The following EP300 variants were observed in gnomAD, a reference collection of about 807,000 sequenced individuals.
EP300 encodes EP300 lysine acetyltransferase, also known as histone acetyltransferase p300.
Under a neutral mutation model 264.0 loss-of-function variants are expected in EP300, and 31 were observed. The ratio of observed to expected loss-of-function variants is 0.12; its 90% CI spans 0.09 to 0.16. The LOEUF (loss-of-function observed/expected upper bound fraction) is 0.16, where lower values mean the gene tolerates loss of function less well. Among genes scored for constraint, EP300 ranks in the 10% least tolerant of loss-of-function variants. The pLI is 1.00. For synonymous variants in EP300, 1,340 were observed against 1,045.4 expected, an observed-to-expected ratio of 1.28 and a Z score of -5.44; for missense variants, 2,766 against 3,052.9, an observed-to-expected ratio of 0.91 and a Z score of 2.21.
chr22:41,093,731 G>C (rs1338255980), intron 1 of EP300, among the ~76,000 whole-genome samples: 4 of 152,070 alleles, frequency 2.6e-5, no homozygotes, highest in Non-Finnish European at 4.4e-5. Context: ...ACATCTCCCA[G>C]TTCTTTGGTG....
At chr22:41,148,713 C>G (rs1409709450) in intron 12 of EP300, 1 of 384,220 alleles carries the variant, frequency 2.6e-6, no homozygotes, top group East Asian at 5.7e-5. Flanking sequence ...ATTAACTCTC[C>G]TCACTTAACA....
At position 41,168,879 on chromosome 22, in the gene EP300, T is replaced by C; in HGVS notation, c.4172+12T>C. On this transcript the variant is annotated intron_variant, in intron 25 of 30. Coordinates refer to ENST00000263253, the MANE Select transcript of EP300 (RefSeq NM_001429.4). ...CCACCCAACCAGAGGTATGACTAGC[T>C]CACAGTGGCTAGCTCCGGATTTGTG... The C allele has an allele frequency of 6.2e-7, 1 of 1,614,120 alleles. No individual in the cohort carries two copies. Among genetic ancestry groups the C allele is most frequent in the Non-Finnish European group, 8.5e-7 (1 of 1,179,972 alleles).
chr22:41,176,056 CA>C, intron 29 of EP300, 190 bp from the exon 30 acceptor site: 1 of 656,700 alleles, frequency 1.5e-6, no homozygotes, highest in Non-Finnish European at 2.6e-6. Flanking sequence ...CTCGTCTCTA[CA>C]AAAAATGCAG....
rs534307733 is a variant in EP300, at chr22:41,105,010, A to G, written c.94+11912A>G. On this transcript the variant is annotated intron_variant, in intron 1 of 30. Coordinates refer to ENST00000263253, the MANE Select transcript of EP300 (RefSeq NM_001429.4). ...TAACCCCGTCTCTACTAAAAATACA[A>G]AAAAATTAACCCCGTCTCTACTAAA... Among the ~76,000 whole-genome samples the G allele has an allele frequency of 5.9e-5, 9 of 151,918 alleles. No individual in the cohort carries two copies. The East Asian group carries it at 1.8e-3, about 30-fold the overall frequency.
chr22:41,101,920 C>A (rs184135714), intron 1 of EP300, among the ~76,000 whole-genome samples: 1 of 152,210 alleles, frequency 6.6e-6, no homozygotes, highest in African/African-American at 2.4e-5. Context: ...TAAGGAAGAA[C>A]TACCTTTAAC....
chr22:41,166,334 A>G (rs2059134068), intron 22 of EP300, among the ~76,000 whole-genome samples: 1 of 152,216 alleles, frequency 6.6e-6, no homozygotes, highest in South Asian at 2.1e-4. Context: ...AGCAAAACCT[A>G]TCTTGATTTG....
chr22:41,153,415 G>A (rs1213030212), intron 16 of EP300, among the ~76,000 whole-genome samples: 1 of 152,136 alleles, frequency 6.6e-6, no homozygotes, highest in East Asian at 1.9e-4. Context: ...TATATATTGA[G>A]GTGTTTTAAT....
intron 5 of EP300, among the ~76,000 whole-genome samples, chr22:41,130,252 AT>A: frequency 7.5e-6 from 1 of 133,648 alleles, no homozygotes; most frequent in African/African-American, 2.7e-5. Context: ...ACCTGCCTCA[AT>A]TAAAAAAAAA....
chr22:41,155,322 G>A (rs9653841), intron 17 of EP300, among the ~76,000 whole-genome samples: 88 of 151,932 alleles, frequency 5.8e-4, no homozygotes, highest in East Asian at 1.9e-4. Flanking sequence ...TCCACCTCCC[G>A]GGCTCAGGTG....
Position 41,157,423 on chromosome 22 carries a change from T to C in EP300, c.3501+15T>C. 1 of 1,613,322 alleles carries C rather than the reference T, an allele frequency of 6.2e-7. No individual in the cohort carries two copies. The highest frequency in any genetic ancestry group is 8.5e-7 in the Non-Finnish European group (1 of 1,179,974). On this transcript the variant is annotated intron_variant, in intron 18 of 30. Coordinates refer to ENST00000263253, the MANE Select transcript of EP300 (RefSeq NM_001429.4). Reference sequence around the variant, plus strand: ...GTGGCAGAAAGGTAAGAAATGTGTTTCAGATTTGACTTTAACTTTTCTGGG... The same window carrying C: ...GTGGCAGAAAGGTAAGAAATGTGTTCCAGATTTGACTTTAACTTTTCTGGG...
intron 27 of EP300, among the ~76,000 whole-genome samples, chr22:41,172,171 G>A (rs1242543842): frequency 6.6e-6 from 1 of 152,188 alleles, no homozygotes; most frequent in Admixed American, 6.5e-5. Flanking sequence ...TCTGTGATAA[G>A]GAGTGGTAGG....
intron 1 of EP300, among the ~76,000 whole-genome samples, chr22:41,104,255 A>T (rs1418329244): frequency 1.3e-5 from 2 of 151,972 alleles, no homozygotes; most frequent in Non-Finnish European, 2.9e-5. Context: ...TTAAGGTGGG[A>T]TTTTAATAAA....
At chr22:41,141,475 C>G (rs1294741147) in intron 10 of EP300, among the ~76,000 whole-genome samples, 1 of 152,156 alleles carries the variant, frequency 6.6e-6, no homozygotes. Context: ...GTAAACTTCT[C>G]TAATAGTGAC....
intron 23 of EP300, among the ~76,000 whole-genome samples, chr22:41,167,631 T>A (rs1311256667): frequency 5.6e-5 from 6 of 106,744 alleles, no homozygotes; most frequent in African/African-American, 2.4e-4. Context: ...TATATATATA[T>A]ATATAATGTT....
intron 27 of EP300, among the ~76,000 whole-genome samples, chr22:41,171,729 A>G (rs896543960): frequency 4.0e-4 from 60 of 151,188 alleles, no homozygotes; most frequent in Admixed American, 6.6e-4. Flanking sequence ...GTCCTACCTC[A>G]GCCTCCCGAG....
In EP300 at chr22:41,152,209, A is replaced by G. The variant is rs2145740584; in HGVS notation, c.3001A>G (p.Lys1001Glu). ...AAATTCTTACGTTTTCTTTTAGTCT[A>G]AAGTGGAAGACTGTAAAATGGAATC... Reference protein sequence around the residue: ...DTQPEDISESKVEDCKMESTE... With the variant: ...DTQPEDISESEVEDCKMESTE... The change falls in exon 16 of 31, where the codon AAA becomes GAA. Residue 1001 changes from lysine to glutamate, a missense_variant. By Grantham distance (56) the Lys-to-Glu change is moderately conservative. Coordinates refer to ENST00000263253, the MANE Select transcript of EP300 (RefSeq NM_001429.4). 6.2e-7 allele frequency: 1 copy of G among 1,614,060 alleles called. No homozygotes were observed. The highest frequency in any genetic ancestry group is 8.5e-7 in the Non-Finnish European group (1 of 1,179,900).
At chr22:41,145,060 T>C (rs1162147398) in intron 10 of EP300, among the ~76,000 whole-genome samples, 2 of 152,194 alleles carry the variant, frequency 1.3e-5, no homozygotes, top group Non-Finnish European at 1.5e-5. Flanking sequence ...TTTTACTTGG[T>C]ATTAGCTGCT....
At position 41,127,732 on chromosome 22, in the gene EP300, A is replaced by G. The variant is rs1247094723; in HGVS notation, c.1152A>G (p.Ser384=). The G allele has an allele frequency of 4.3e-6, 7 of 1,614,254 alleles. No individual in the cohort carries two copies. Among genetic ancestry groups the G allele is most frequent in the South Asian group, 2.2e-5 (2 of 91,090 alleles). Reference sequence around the variant, plus strand: ...TAAACCACATGACACACTGCCAGTCAGGCAAGTCTTGCCAAGGTAAGTGGA... The same window carrying G: ...TAAACCACATGACACACTGCCAGTCGGGCAAGTCTTGCCAAGGTAAGTGGA... The part of the protein sequence containing the change: ...NVLNHMTHCQ[S]GKSCQVAHCA... The change falls in exon 4 of 31, where the codon TCA becomes TCG. Residue 384 remains serine (S), a synonymous_variant. Transcript: ENST00000263253.
chr22:41,132,462 ATTT>A (rs1221991671), intron 6 of EP300, among the ~76,000 whole-genome samples: 1 of 151,232 alleles, frequency 6.6e-6, no homozygotes, highest in Non-Finnish European at 1.5e-5. Context: ...TAATTTTTGT[ATTT>A]TTAGTAGAGG....
Sources: gnomAD v4.1 joint callset for allele counts (sites outside exome capture counted in the v4.1 genomes callset) on GRCh38, gnomAD v4.1.1 for gene constraint, MANE v1.5 for transcripts, NCBI Gene and HGNC (gene_info 2026-07-23, HGNC 2026-07-21) for gene names.